Variants in ACACA observed in about 807,000 individuals in gnomAD.
ACACA encodes acetyl-CoA carboxylase alpha.
Under a neutral mutation model 296.1 loss-of-function variants are expected in ACACA, and 103 were observed. The ratio of observed to expected loss-of-function variants is 0.35; its 90% CI spans 0.30 to 0.41. The LOEUF is 0.41. Ranked by LOEUF, ACACA falls within the 10% of genes least tolerant of loss-of-function variation. ACACA has a pLI of 1.00. For missense variants in ACACA, 1,554 were observed against 2,989.7 expected (o/e 0.52, Z 11.20); for synonymous variants, 953 against 1,038.6 (o/e 0.92, Z 1.58).
chr17:37,209,822 C>T (rs912008765), intron 30 of ACACA, among the ~76,000 whole-genome samples: 1 of 152,124 alleles, frequency 6.6e-6, no homozygotes, highest in African/African-American at 2.4e-5. Flanking sequence ...TTGCTTGGTT[C>T]AAGAGACAGG....
chr17:37,298,884 A>G (rs959582495), intron 3 of ACACA, among the ~76,000 whole-genome samples: 3 of 152,230 alleles, frequency 2.0e-5, no homozygotes, highest in African/African-American at 7.2e-5. Flanking sequence ...ATTCTAAAAA[A>G]GTTTTCTGCA....
intron 54 of ACACA, among the ~76,000 whole-genome samples, chr17:37,096,412 T>C (rs1332496373): frequency 6.6e-6 from 1 of 152,212 alleles, no homozygotes; most frequent in Non-Finnish European, 1.5e-5. Context: ...TGGCTTAGGA[T>C]GATGCTGTTC....
intron 54 of ACACA, among the ~76,000 whole-genome samples, chr17:37,090,923 GAAA>G (rs755698651): frequency 7.2e-6 from 1 of 139,496 alleles, no homozygotes; most frequent in South Asian, 2.3e-4. Context: ...TTTCAGAATG[GAAA>G]AAAAAAAAAC....
intron 5 of ACACA, among the ~76,000 whole-genome samples, chr17:37,282,117 T>C (rs1207430006): frequency 6.6e-6 from 1 of 152,236 alleles, no homozygotes; most frequent in African/African-American, 2.4e-5. Context: ...TAGGAGGTGT[T>C]TGGATCATGA....
At chr17:37,224,956 C>A (rs772079577) in intron 27 of ACACA, 36 bp downstream of exon 27, 218 of 976,036 alleles carry the variant, frequency 2.2e-4, no homozygotes, top group Non-Finnish European at 3.0e-4. Context: ...TCCAGATAGG[C>A]AGGAAAGGGT....
intron 51 of ACACA, among the ~76,000 whole-genome samples, chr17:37,112,081 T>C (rs1222344388): frequency 2.1e-5 from 3 of 144,126 alleles, no homozygotes; most frequent in African/African-American, 5.2e-5. Flanking sequence ...TATCTATCTA[T>C]CTACCTCACC....
chr17:37,176,615 G>A (rs1352818578), intron 41 of ACACA, among the ~76,000 whole-genome samples: 2 of 152,108 alleles, frequency 1.3e-5, no homozygotes, highest in African/African-American at 4.8e-5. Flanking sequence ...ATAGCTGAAA[G>A]TCAACTTGCC....
In ACACA at chr17:37,274,554, G is replaced by A. The variant is rs780511670; in HGVS notation, c.902-255C>T. On this transcript the variant is annotated intron_variant, in intron 8 of 55. Coordinates refer to ENST00000616317, the MANE Select transcript of ACACA (RefSeq NM_198834.3). ...GAGCAACTTATAAAAATGCAAAGAC[G>A]TACAAGATCAAAACAAACAAAAAAA... 7.6e-5 allele frequency: 70 copies of A among 915,928 alleles called. No individual in the cohort carries two copies. The Middle Eastern group carries it at 4.5e-3, about 59-fold the overall frequency. 56.7% of individuals were successfully genotyped at this position (915,928 alleles called of 1,614,324 possible). A position where few individuals can be genotyped will look rare whatever the true frequency, so the allele number is the denominator to read the frequency against.
rs1323172319 is a variant in ACACA, at chr17:37,284,865, G to A, written c.444C>T (p.Arg148=). The A allele has an allele frequency of 1.9e-6, 3 of 1,614,022 alleles. No homozygotes were observed. In the African/African-American group the frequency reaches 4.0e-5, roughly 22 times the overall value. ...TCTCAATCACTTTATTTCCCCCAAA[G>A]CGAGTAACAAATTCTGCTGGAGAAG... ...TVASPAEFVT[R]FGGNKVIEKV... is the part of the protein sequence containing the mutation. Residue 148 remains arginine (R), a synonymous_variant, in exon 4 of 56, where the codon CGC becomes CGT. Coordinates refer to ENST00000616317, the MANE Select transcript of ACACA (RefSeq NM_198834.3).
rs117792637 is a variant in ACACA at position 37,401,522 on chromosome 17, C to T, written c.38+4740G>A. On this transcript the variant is annotated intron_variant, in intron 1 of 55. Coordinates refer to ENST00000616317, the MANE Select transcript of ACACA (RefSeq NM_198834.3). ...TTGTCCACTTATCTGATGTAGGGGTCGTGAATATTTTCTCCCATTCCGTAG... is the reference window on the plus strand; with the variant it reads ...TTGTCCACTTATCTGATGTAGGGGTTGTGAATATTTTCTCCCATTCCGTAG... Among the ~76,000 whole-genome samples the T allele has an allele frequency of 7.6e-4, 113 of 149,304 alleles. No homozygotes were observed. The East Asian group carries it at 0.021, about 28-fold the overall frequency.
chr17:37,148,122 G>T (rs1022232614), intron 45 of ACACA, among the ~76,000 whole-genome samples: 2 of 150,606 alleles, frequency 1.3e-5, no homozygotes, highest in African/African-American at 4.9e-5. Context: ...TATGAGAACA[G>T]AATTTTTAAA....
intron 3 of ACACA, chr17:37,329,012 G>C (rs989366567): frequency 1.3e-5 from 5 of 398,432 alleles, no homozygotes; most frequent in East Asian, 3.6e-5. Flanking sequence ...CCAAAGGTTA[G>C]TATCTCACAC....
intron 43 of ACACA, among the ~76,000 whole-genome samples, chr17:37,152,675 G>A (rs2076091343): frequency 6.6e-6 from 1 of 152,152 alleles, no homozygotes; most frequent in Non-Finnish European, 1.5e-5. Context: ...TGGGAAATGG[G>A]AGATGGGGAA....
chr17:37,402,672 C>T (rs774283324), intron 1 of ACACA, among the ~76,000 whole-genome samples: 2 of 151,876 alleles, frequency 1.3e-5, no homozygotes, highest in Non-Finnish European at 2.9e-5. Flanking sequence ...GCCTAAGTGA[C>T]TTCATTCTTT....
At chr17:37,294,105 TAA>T (rs934254522) in intron 3 of ACACA, among the ~76,000 whole-genome samples, 1 of 151,692 alleles carries the variant, frequency 6.6e-6, no homozygotes, top group African/African-American at 2.4e-5. Flanking sequence ...TTAACAACAT[TAA>T]GTTACTCTCA....
intron 10 of ACACA, among the ~76,000 whole-genome samples, chr17:37,269,148 A>AT (rs1286057228): frequency 1.3e-5 from 2 of 151,912 alleles, no homozygotes; most frequent in African/African-American, 4.8e-5. Context: ...TTATTTTACA[A>AT]TTTTTTGTAG....
In ACACA at chr17:37,376,086, A is replaced by G. The variant is rs749669560; in HGVS notation, c.38+30176T>C. ...TCTGTCTGCAATGAGCATGTGCTCA[A>G]GCTAACATGGATACCATCTTGGTCT... On this transcript the variant is annotated intron_variant, in intron 1 of 55. Coordinates refer to ENST00000616317, the MANE Select transcript of ACACA (RefSeq NM_198834.3). The G allele has an allele frequency of 5.6e-6, 9 of 1,611,024 alleles. No homozygotes were observed. The Admixed American group carries it at 1.3e-4, about 24-fold the overall frequency.
At chr17:37,096,175 G>GCCCCCTTA (rs2072978494) in intron 54 of ACACA, among the ~76,000 whole-genome samples, 1 of 152,064 alleles carries the variant, frequency 6.6e-6, no homozygotes, top group African/African-American at 2.4e-5. Flanking sequence ...CCTCCACACA[G>GCCCCCTTA]CCCCCTTAGT....
At chr17:37,108,929 A>T (rs987776002) in intron 52 of ACACA, among the ~76,000 whole-genome samples, 2 of 152,250 alleles carry the variant, frequency 1.3e-5, no homozygotes, top group South Asian at 4.1e-4. Flanking sequence ...AATCTGAAGA[A>T]ATCCTGAGAA....
Sources: gnomAD v4.1 joint callset for allele counts (sites outside exome capture counted in the v4.1 genomes callset) on GRCh38, gnomAD v4.1.1 for gene constraint, MANE v1.5 for transcripts, NCBI Gene and HGNC (gene_info 2026-07-23, HGNC 2026-07-21) for gene names.